MEGF10: variants seen among roughly 807,000 people sequenced by gnomAD.
MEGF10 encodes multiple epidermal growth factor-like domains protein 10.
A neutral mutation model predicts 147.5 loss-of-function variants in MEGF10; 86 were observed. That is an observed-to-expected ratio of 0.58 (90% CI 0.49 to 0.70). MEGF10 has a LOEUF of 0.70. Among genes scored for constraint, MEGF10 ranks in the 30% least tolerant of loss-of-function variants. The probability of loss-of-function intolerance (pLI) is 0.00; values close to 1 mark genes in which losing one functional copy is unlikely to be tolerated. For synonymous variants in MEGF10, 478 were observed against 525.5 expected, an observed-to-expected ratio of 0.91 and a Z score of 1.24; for missense variants, 1,329 against 1,487.3, an observed-to-expected ratio of 0.89 and a Z score of 1.75.
intron 1 of MEGF10, among the ~76,000 whole-genome samples, chr5:127,308,216 C>A (rs1345492730): frequency 3.3e-5 from 5 of 151,946 alleles, no homozygotes; most frequent in Non-Finnish European, 7.4e-5. Context: ...AAAATAAAAC[C>A]CAAAATCAAA....
intron 4 of MEGF10, among the ~76,000 whole-genome samples, chr5:127,369,199 A>G (rs761771013): frequency 1.3e-5 from 2 of 152,208 alleles, no homozygotes; most frequent in Non-Finnish European, 2.9e-5. Flanking sequence ...AAGGTTGATG[A>G]TAATGATTTG....
intron 22 of MEGF10, among the ~76,000 whole-genome samples, chr5:127,452,576 G>A (rs887769276): frequency 6.6e-6 from 1 of 152,070 alleles, no homozygotes; most frequent in Non-Finnish European, 1.5e-5. Context: ...GTTTATGGGG[G>A]GCTCAGTCAT....
chr5:127,248,837 A>G, the MEGF10 span, among the ~76,000 whole-genome samples: 4 of 151,870 alleles, frequency 2.6e-5, no homozygotes, highest in South Asian at 8.3e-4. Flanking sequence ...AAAAAAATCA[A>G]TCTGCAGATC....
intron 1 of MEGF10, among the ~76,000 whole-genome samples, chr5:127,323,204 A>G (rs1760861861): frequency 6.6e-6 from 1 of 152,228 alleles, no homozygotes; most frequent in African/African-American, 2.4e-5. Context: ...TTGTAGATGA[A>G]AAAGTAACCC....
intron 1 of MEGF10, among the ~76,000 whole-genome samples, chr5:127,329,335 A>C (rs917635836): frequency 3.3e-5 from 5 of 152,182 alleles, no homozygotes; most frequent in Non-Finnish European, 7.4e-5. Flanking sequence ...TCTTTTAATT[A>C]TACTACAAAT....
At chr5:127,409,503 A>G (rs1373516530) in intron 8 of MEGF10, 1 of 152,286 alleles carries the variant, frequency 6.6e-6, no homozygotes, top group Non-Finnish European at 1.5e-5. Context: ...TGTGCTTTCC[A>G]TGGAGCAATG....
chr5:127,399,240 A>G (rs1764038112), intron 7 of MEGF10, among the ~76,000 whole-genome samples: 1 of 152,258 alleles, frequency 6.6e-6, no homozygotes, highest in Admixed American at 6.5e-5. Flanking sequence ...CTGGGGATAC[A>G]TTGAGGTAAA....
At chr5:127,447,815 A>C in intron 21 of MEGF10, 131 bp downstream of exon 21, 1 of 1,176,666 alleles carries the variant, frequency 8.5e-7, no homozygotes, top group South Asian at 1.6e-5. Flanking sequence ...TTATTCCTCT[A>C]AACAGTCCTC....
At chr5:127,259,279 G>T in the MEGF10 span, among the ~76,000 whole-genome samples, 2 of 152,120 alleles carry the variant, frequency 1.3e-5, no homozygotes, top group Non-Finnish European at 2.9e-5. Context: ...CACTTCTAGG[G>T]CTATGATCTT....
the MEGF10 span, among the ~76,000 whole-genome samples, chr5:127,251,326 C>T: frequency 6.6e-6 from 1 of 152,026 alleles, no homozygotes; most frequent in Non-Finnish European, 1.5e-5. Context: ...GGATCTCAAG[C>T]CAGGCCACAC....
chr5:127,442,868 G>C (rs1371314241), intron 18 of MEGF10, 130 bp from the exon 19 acceptor site: 1 of 901,050 alleles, frequency 1.1e-6, no homozygotes, highest in Non-Finnish European at 1.7e-6. Context: ...GACACTCTTG[G>C]GGGTACAAGT....
At chr5:127,325,902 TA>T (rs1187961852) in intron 1 of MEGF10, among the ~76,000 whole-genome samples, 3,095 of 52,598 alleles carry the variant, frequency 0.059, 146 homozygotes, top group African/African-American at 0.12. Flanking sequence ...TATATATATA[TA>T]TATATATTTT....
intron 1 of MEGF10, among the ~76,000 whole-genome samples, chr5:127,312,588 G>A (rs1166401039): frequency 6.6e-6 from 1 of 152,218 alleles, no homozygotes; most frequent in Non-Finnish European, 1.5e-5. Context: ...GTTCTTATCA[G>A]CAAGGATGCC....
chr5:127,312,331 A>G (rs1249249245), intron 1 of MEGF10, among the ~76,000 whole-genome samples: 1 of 152,226 alleles, frequency 6.6e-6, no homozygotes, highest in Non-Finnish European at 1.5e-5. Context: ...AATGCCATTC[A>G]GGCAGTGAGC....
Position 127,426,593 on chromosome 5 carries a change from T to G in MEGF10, c.1693+3821T>G, listed in dbSNP as rs543362544. ...TACACACACACACTCTCTCTCTCTC[T>G]CTGCTATAAAATGAGGCTCGCTTTT... On this transcript the variant is annotated intron_variant, in intron 13 of 24. Coordinates refer to ENST00000503335, the MANE Select transcript of MEGF10 (RefSeq NM_001256545.2). 2.8e-4 allele frequency among the ~76,000 whole-genome samples: 43 copies of G among 152,334 alleles called. No individual in the cohort carries two copies. The East Asian group carries it at 7.5e-3, about 27-fold the overall frequency.
At chr5:127,420,881 G>A (rs929034900) in intron 12 of MEGF10, among the ~76,000 whole-genome samples, 16 of 152,056 alleles carry the variant, frequency 1.1e-4, no homozygotes, top group Admixed American at 9.2e-4. Context: ...TTTCTCCTGA[G>A]CCATTAGGCA....
intron 1 of MEGF10, among the ~76,000 whole-genome samples, chr5:127,308,568 A>G (rs1760117697): frequency 6.6e-6 from 1 of 152,206 alleles, no homozygotes; most frequent in Non-Finnish European, 1.5e-5. Flanking sequence ...TTGTAGGGAC[A>G]TGGATGAAGC....
At chr5:127,274,615 T>A in the MEGF10 span, among the ~76,000 whole-genome samples, 13 of 152,146 alleles carry the variant, frequency 8.5e-5, no homozygotes, top group Non-Finnish European at 1.8e-4. Context: ...CAAAAGATTT[T>A]AAAAATCTAT....
At chr5:127,341,492 A>G (rs1761682242) in intron 4 of MEGF10, among the ~76,000 whole-genome samples, 1 of 152,120 alleles carries the variant, frequency 6.6e-6, no homozygotes, top group Non-Finnish European at 1.5e-5. Context: ...TGGTTCTACC[A>G]TCACTTGGCT....
Sources: allele counts gnomAD v4.1 joint callset (sites outside exome capture counted in the v4.1 genomes callset), GRCh38; gene constraint gnomAD v4.1.1; transcripts MANE v1.5; gene names NCBI Gene and HGNC (gene_info 2026-07-23, HGNC 2026-07-21).